C8orf34: variants seen among roughly 807,000 people sequenced by gnomAD.
C8orf34 encodes the protein chromosome 8 open reading frame 34.
Under a neutral mutation model 68.3 loss-of-function variants are expected in C8orf34, and 65 were observed. That is an observed-to-expected ratio of 0.95 (90% CI 0.78 to 1.17). The LOEUF is 1.17. Ranked by LOEUF, C8orf34 falls within the 50% of genes most tolerant of loss-of-function variation. C8orf34 has a pLI of 0.00. For missense variants in C8orf34, 664 were observed against 655.4 expected (o/e 1.01, Z -0.14); for synonymous variants, 244 against 241.2 (o/e 1.01, Z -0.11).
chr8:68,760,418 GA>G (rs1585842048), intron 10 of C8orf34, among the ~76,000 whole-genome samples: 2 of 151,996 alleles, frequency 1.3e-5, no homozygotes, highest in East Asian at 1.9e-4. Context: ...ATGAGTGTCA[GA>G]AAAAAAGGAT....
intron 1 of C8orf34, among the ~76,000 whole-genome samples, chr8:68,418,040 T>G (rs1262537543): frequency 6.7e-6 from 1 of 148,958 alleles, no homozygotes; most frequent in Non-Finnish European, 1.5e-5. Context: ...CTAGGTATTT[T>G]ATTCTCTTTG....
chr8:68,788,233 G>T (rs533196054), intron 12 of C8orf34, among the ~76,000 whole-genome samples: 6 of 152,212 alleles, frequency 3.9e-5, no homozygotes, highest in African/African-American at 1.4e-4. Context: ...CATGATAATT[G>T]GTGTGATGTG....
At chr8:68,509,621 G>T (rs1586286369) in intron 5 of C8orf34, among the ~76,000 whole-genome samples, 1 of 152,132 alleles carries the variant, frequency 6.6e-6, no homozygotes, top group Non-Finnish European at 1.5e-5. Context: ...AAAAAAGAAG[G>T]CATTTTTTAA....
intron 8 of C8orf34, among the ~76,000 whole-genome samples, chr8:68,650,924 G>T (rs1429241565): frequency 1.3e-5 from 2 of 152,280 alleles, no homozygotes; most frequent in East Asian, 3.9e-4. Flanking sequence ...TGGCACAGCT[G>T]CCAGCATTTA....
intron 5 of C8orf34, among the ~76,000 whole-genome samples, chr8:68,510,698 T>G (rs1172817489): frequency 6.6e-6 from 1 of 152,244 alleles, no homozygotes; most frequent in Non-Finnish European, 1.5e-5. Context: ...ATACTTGGCC[T>G]GATTATTTGC....
chr8:68,656,128 G>A (rs1819504347), intron 8 of C8orf34, among the ~76,000 whole-genome samples: 1 of 152,118 alleles, frequency 6.6e-6, no homozygotes, highest in Non-Finnish European at 1.5e-5. Flanking sequence ...ATCAGGTATT[G>A]CATATGAGAG....
At chr8:68,426,648 A>G (rs1486334709) in intron 1 of C8orf34, among the ~76,000 whole-genome samples, 3 of 151,978 alleles carry the variant, frequency 2.0e-5, no homozygotes, top group Non-Finnish European at 4.4e-5. Context: ...CTCAAAACAT[A>G]TTAAAAAAAA....
At chr8:68,522,077 T>G in intron 6 of C8orf34, 106 bp downstream of exon 6, 3 of 1,002,976 alleles carry the variant, frequency 3.0e-6, no homozygotes, top group Non-Finnish European at 4.3e-6. Context: ...AGTAATTTTT[T>G]ATAGAAAATT....
chr8:68,720,423 A>G (rs2129526415), intron 9 of C8orf34, among the ~76,000 whole-genome samples: 1 of 152,044 alleles, frequency 6.6e-6, no homozygotes, highest in African/African-American at 2.4e-5. Flanking sequence ...GAAAGATTTC[A>G]TGCTCTAATT....
At chr8:68,807,395 A>G (rs1711715014) in intron 12 of C8orf34, among the ~76,000 whole-genome samples, 1 of 152,224 alleles carries the variant, frequency 6.6e-6, no homozygotes, top group Non-Finnish European at 1.5e-5. Context: ...ATAATTCTGA[A>G]TAAATGTAGT....
intron 7 of C8orf34, among the ~76,000 whole-genome samples, chr8:68,562,419 T>G (rs1407025789): frequency 6.6e-6 from 1 of 152,214 alleles, no homozygotes; most frequent in East Asian, 1.9e-4. Flanking sequence ...TCATTCAGCA[T>G]TGAGCAAATC....
chr8:68,460,409 A>G (rs922981902), intron 3 of C8orf34, among the ~76,000 whole-genome samples: 3 of 152,160 alleles, frequency 2.0e-5, no homozygotes, highest in Admixed American at 1.3e-4. Context: ...AGACTTAAAT[A>G]TCCCTGTCTG....
intron 7 of C8orf34, among the ~76,000 whole-genome samples, chr8:68,551,078 C>T (rs1000913064): frequency 6.6e-6 from 1 of 151,802 alleles, no homozygotes; most frequent in Non-Finnish European, 1.5e-5. Context: ...AATTCTCAGT[C>T]AAAATTTCTT....
intron 10 of C8orf34, among the ~76,000 whole-genome samples, chr8:68,751,928 C>G (rs1316115658): frequency 1.3e-5 from 2 of 151,688 alleles, no homozygotes; most frequent in African/African-American, 4.8e-5. Flanking sequence ...ATAAGTTCAT[C>G]TATATATACA....
At chr8:68,423,695 T>C (rs987265502) in intron 1 of C8orf34, among the ~76,000 whole-genome samples, 4 of 152,106 alleles carry the variant, frequency 2.6e-5, no homozygotes, top group Non-Finnish European at 5.9e-5. Flanking sequence ...TCGGTATGAA[T>C]TTACTGTATT....
chr8:68,371,211 A>G lies in C8orf34; in HGVS notation c.327+39872A>G, dbSNP rs7837155. On this transcript the variant is annotated intron_variant, in intron 1 of 13. Coordinates refer to ENST00000518698, the MANE Select transcript of C8orf34 (RefSeq NM_052958.4). ...AAATAACAGGTTCCCATTCTTTCTC[A>G]CTCAATGCCATAACTTTTATATTTG... Among the ~76,000 whole-genome samples the G allele has an allele frequency of 6.9e-3, 1,048 of 152,204 alleles. 14 individuals are homozygous for G. Among genetic ancestry groups the G allele is most frequent in the African/African-American group, 0.023 (970 of 41,544 alleles).
chr8:68,599,371 G>C (rs147155172), intron 7 of C8orf34, among the ~76,000 whole-genome samples: 2 of 151,970 alleles, frequency 1.3e-5, no homozygotes, highest in Non-Finnish European at 2.9e-5. Flanking sequence ...GCTAAAATTT[G>C]TATGAAAACA....
intron 10 of C8orf34, among the ~76,000 whole-genome samples, chr8:68,737,949 C>G (rs1173613684): frequency 6.6e-6 from 1 of 152,116 alleles, no homozygotes; most frequent in Non-Finnish European, 1.5e-5. Flanking sequence ...ACAATACTCT[C>G]CATCCCAAAA....
chr8:68,469,572 T>C (rs1039236367), intron 4 of C8orf34, among the ~76,000 whole-genome samples: 4 of 152,092 alleles, frequency 2.6e-5, no homozygotes, highest in African/African-American at 9.7e-5. Flanking sequence ...GCCATACGTA[T>C]ACACTATATG....
Sources: gnomAD v4.1 joint callset for allele counts (sites outside exome capture counted in the v4.1 genomes callset) on GRCh38, gnomAD v4.1.1 for gene constraint, MANE v1.5 for transcripts, NCBI Gene and HGNC (gene_info 2026-07-23, HGNC 2026-07-21) for gene names.